The following NUTF2 variants were observed in gnomAD, a reference collection of about 807,000 sequenced individuals.
The protein encoded by NUTF2 is placental protein 15.
Under a neutral mutation model 18.5 loss-of-function variants are expected in NUTF2, and 3 were observed. The ratio of observed to expected loss-of-function variants is 0.16; its 90% CI spans 0.07 to 0.42. The LOEUF is 0.42. Ranked by LOEUF, NUTF2 falls within the 10% of genes least tolerant of loss-of-function variation. The pLI is 0.99. For missense variants in NUTF2, 44 were observed against 160.7 expected (o/e 0.27, Z 3.93); for synonymous variants, 51 against 57.9 (o/e 0.88, Z 0.54).
At chr16:67,850,903 C>T (rs536469165) in intron 1 of NUTF2, among the ~76,000 whole-genome samples, 1 of 152,048 alleles carries the variant, frequency 6.6e-6, no homozygotes, top group South Asian at 2.1e-4. Context: ...TGGGTTCAAG[C>T]AATTCTCCTG....
chr16:67,855,041 G>A, intron 1 of NUTF2, among the ~76,000 whole-genome samples: 1 of 151,892 alleles, frequency 6.6e-6, no homozygotes, highest in East Asian at 1.9e-4. Context: ...GTTTTGATAG[G>A]GCATTTGAGA....
At position 67,854,653 on chromosome 16, in the gene NUTF2, G is replaced by A. The variant is rs560975535; in HGVS notation, c.-30+7668G>A. ...CCACAGAATAGACATTGAAAGTTGG[G>A]CATGATTTCTTGGCCGGGCACAGAG... On this transcript the variant is annotated intron_variant, in intron 1 of 4. Transcript: ENST00000219169. 5.9e-5 allele frequency among the ~76,000 whole-genome samples: 9 copies of A among 152,308 alleles called. No homozygotes were observed. The South Asian group carries it at 1.9e-3, about 32-fold the overall frequency.
At chr16:67,852,280 A>G (rs1023670488) in intron 1 of NUTF2, among the ~76,000 whole-genome samples, 15 of 151,876 alleles carry the variant, frequency 9.9e-5, no homozygotes, top group African/African-American at 3.1e-4. Context: ...TAGCCTGGGG[A>G]CACTCTAGCA....
At chr16:67,863,444 G>A (rs1221489690) in intron 1 of NUTF2, among the ~76,000 whole-genome samples, 3 of 139,438 alleles carry the variant, frequency 2.2e-5, no homozygotes, top group East Asian at 2.2e-4. Flanking sequence ...GATTGGCTGC[G>A]TTCTCACTCT....
In NUTF2 at chr16:67,852,283, C is replaced by T. The variant is rs528026854; in HGVS notation, c.-30+5298C>T. Among the ~76,000 whole-genome samples the T allele has an allele frequency of 2.4e-4, 37 of 152,026 alleles. No individual in the cohort carries two copies. The South Asian group carries it at 7.7e-3, about 32-fold the overall frequency. ...GCCACTGCACTGTAGCCTGGGGACA[C>T]TCTAGCAAGACCCTGTCTCCAAAAA... is the stretch of plus-strand genomic sequence containing the variant. On this transcript the variant is annotated intron_variant, in intron 1 of 4. Coordinates refer to ENST00000219169, the MANE Select transcript of NUTF2 (RefSeq NM_005796.3).
At chr16:67,853,896 C>T (rs558367624) in intron 1 of NUTF2, among the ~76,000 whole-genome samples, 2 of 152,276 alleles carry the variant, frequency 1.3e-5, no homozygotes, top group Non-Finnish European at 2.9e-5. Context: ...GATCCTCCTG[C>T]CTCAACCTCC....
At chr16:67,858,368 A>G (rs1223190617) in intron 1 of NUTF2, among the ~76,000 whole-genome samples, 1 of 152,058 alleles carries the variant, frequency 6.6e-6, no homozygotes, top group Non-Finnish European at 1.5e-5. Flanking sequence ...GGGTTTCACC[A>G]TGTTGGCCAG....
intron 1 of NUTF2, among the ~76,000 whole-genome samples, chr16:67,855,484 A>C (rs1028639809): frequency 6.6e-6 from 1 of 152,188 alleles, no homozygotes; most frequent in African/African-American, 2.4e-5. Context: ...GGCTGGAGAC[A>C]GGGCTGCTAT....
At chr16:67,857,878 G>A (rs569085980) in intron 1 of NUTF2, among the ~76,000 whole-genome samples, 3 of 152,354 alleles carry the variant, frequency 2.0e-5, no homozygotes, top group African/African-American at 7.2e-5. Context: ...AGGTGTGGGT[G>A]GAGGGGAAGT....
At position 67,868,535 on chromosome 16, in the gene NUTF2, C is replaced by T. The variant is rs769624135; in HGVS notation, c.206C>T (p.Thr69Ile). 1 of 1,614,170 alleles carries T rather than the reference C, an allele frequency of 6.2e-7. No homozygotes were observed. The highest frequency in any genetic ancestry group is 8.5e-7 in the Non-Finnish European group (1 of 1,180,016). ...TTCCAGAAAATTCAGCACAGCATCA[C>T]CGCGCAGGACCATCAGCCCACTCCA... ...LPFQKIQHSI[T>I]AQDHQPTPDS... is the part of the protein sequence containing the mutation. Residue 69 changes from threonine to isoleucine, a missense_variant, in exon 4 of 5, where the codon ACC becomes ATC. Transcript: ENST00000219169.
rs571335625 is a variant in NUTF2, at chr16:67,867,229, C to T, written c.100-1111C>T. ...TCAAGTGATCTACCCACCTTGGCCT[C>T]CCAAAGTGCTGGGATTACAGGTGTG... On this transcript the variant is annotated intron_variant, in intron 2 of 4. Transcript: ENST00000219169. Among the ~76,000 whole-genome samples the T allele has an allele frequency of 2.0e-5, 3 of 152,288 alleles. No individual in the cohort carries two copies. In the East Asian group the frequency reaches 5.8e-4, roughly 29 times the overall value.
chr16:67,866,548 G>T (rs1328998957), intron 2 of NUTF2, among the ~76,000 whole-genome samples: 3 of 151,646 alleles, frequency 2.0e-5, no homozygotes, highest in African/African-American at 7.3e-5. Flanking sequence ...TCACTGCAAT[G>T]TCCATCTCCT....
chr16:67,866,410 G>A (rs2057972587), intron 2 of NUTF2, among the ~76,000 whole-genome samples: 1 of 150,702 alleles, frequency 6.6e-6, no homozygotes, highest in African/African-American at 2.4e-5. Context: ...GGGTTCAAGC[G>A]ATTCTTGTGC....
chr16:67,851,387 A>G (rs1316973884), intron 1 of NUTF2, among the ~76,000 whole-genome samples: 3 of 151,370 alleles, frequency 2.0e-5, no homozygotes, highest in Non-Finnish European at 4.4e-5. Flanking sequence ...AGGCTGAGGC[A>G]GGAGAATCGC....
chr16:67,859,953 C>T (rs561823242), intron 1 of NUTF2, among the ~76,000 whole-genome samples: 3 of 151,788 alleles, frequency 2.0e-5, no homozygotes, highest in East Asian at 3.9e-4. Flanking sequence ...CAGGTGTACA[C>T]CACCATGGCC....
At chr16:67,866,157 CAG>C (rs1286301731) in intron 2 of NUTF2, among the ~76,000 whole-genome samples, 2 of 152,088 alleles carry the variant, frequency 1.3e-5, no homozygotes, top group Non-Finnish European at 2.9e-5. Flanking sequence ...GGCACAGTCT[CAG>C]AGCCTGATTG....
chr16:67,866,166 A>G (rs921400651), intron 2 of NUTF2, among the ~76,000 whole-genome samples: 5 of 152,084 alleles, frequency 3.3e-5, no homozygotes, highest in Non-Finnish European at 7.4e-5. Flanking sequence ...TCAGAGCCTG[A>G]TTGGGCTGAC....
At chr16:67,850,469 G>A (rs2057845764) in intron 1 of NUTF2, among the ~76,000 whole-genome samples, 1 of 152,190 alleles carries the variant, frequency 6.6e-6, no homozygotes, top group South Asian at 2.1e-4. Flanking sequence ...GCCTCCCAAA[G>A]TGCTGGGATT....
chr16:67,862,900 T>G (rs2057943992), intron 1 of NUTF2, among the ~76,000 whole-genome samples: 1 of 152,176 alleles, frequency 6.6e-6, no homozygotes, highest in African/African-American at 2.4e-5. Flanking sequence ...ACTGCCCAAC[T>G]TTGCTCTGAG....
Sources: gnomAD v4.1 joint callset for allele counts (sites outside exome capture counted in the v4.1 genomes callset) on GRCh38, gnomAD v4.1.1 for gene constraint, MANE v1.5 for transcripts, NCBI Gene and HGNC (gene_info 2026-07-23, HGNC 2026-07-21) for gene names.